Variants in ZNG1B observed in about 807,000 individuals in gnomAD.
ZNG1B encodes zinc-regulated GTPase metalloprotein activator 1B.
At chr2:113,467,460 ATAAGT>A in the ZNG1B span, among the ~76,000 whole-genome samples, 1 of 101,664 alleles carries the variant, frequency 9.8e-6, no homozygotes, top group Non-Finnish European at 1.9e-5. Flanking sequence ...CTGGTCAATA[ATAAGT>A]TAAATTAATT....
At chr2:113,473,535 T>C in the ZNG1B span, among the ~76,000 whole-genome samples, 1 of 151,592 alleles carries the variant, frequency 6.6e-6, no homozygotes, top group Non-Finnish European at 1.5e-5. Context: ...TGAATAGGAG[T>C]GGTGAGAGAG....
At chr2:113,447,815 T>G in the ZNG1B span, 5 of 427,368 alleles carry the variant, frequency 1.2e-5, no homozygotes, top group Non-Finnish European at 9.2e-6. Flanking sequence ...AGTTTTCTTA[T>G]GAGATTGCAG....
the ZNG1B span, chr2:113,466,835 T>C: frequency 6.4e-6 from 6 of 943,876 alleles, no homozygotes; most frequent in East Asian, 1.2e-4. Context: ...GAGGCCAAGG[T>C]GGGCGGATCA....
the ZNG1B span, chr2:113,444,877 G>T: frequency 6.4e-7 from 1 of 1,569,854 alleles, no homozygotes. Flanking sequence ...TTTGTCTTGG[G>T]TTGTTGAATA....
chr2:113,438,618 C>T, the ZNG1B span, among the ~76,000 whole-genome samples: 1 of 151,516 alleles, frequency 6.6e-6, no homozygotes, highest in Non-Finnish European at 1.5e-5. Flanking sequence ...AAACTAAGAA[C>T]GTTTAGAGTG....
At chr2:113,467,952 T>C in the ZNG1B span, among the ~76,000 whole-genome samples, 1 of 149,212 alleles carries the variant, frequency 6.7e-6, no homozygotes, top group African/African-American at 2.5e-5. Context: ...GTTTGGATTT[T>C]CTTCTGTAGG....
At chr2:113,481,894 T>A in the ZNG1B span, 2 of 337,296 alleles carry the variant, frequency 5.9e-6, no homozygotes, top group Admixed American at 4.5e-5. Context: ...TTTACTGACA[T>A]ATTTAACCAT....
the ZNG1B span, among the ~76,000 whole-genome samples, chr2:113,486,903 T>C: frequency 6.6e-6 from 1 of 151,762 alleles, no homozygotes; most frequent in Non-Finnish European, 1.5e-5. Flanking sequence ...CTGACAGTTA[T>C]GTTTCATTTG....
chr2:113,476,009 T>C, the ZNG1B span, among the ~76,000 whole-genome samples: 2 of 152,162 alleles, frequency 1.3e-5, no homozygotes, highest in Non-Finnish European at 2.9e-5. Flanking sequence ...TGGCATTCTC[T>C]GTATTTCCTG....
the ZNG1B span, chr2:113,443,689 T>A: frequency 1.3e-6 from 2 of 1,569,656 alleles, no homozygotes; most frequent in Non-Finnish European, 8.7e-7. Context: ...AAGATCTCCA[T>A]TATTGAGTTA....
the ZNG1B span, among the ~76,000 whole-genome samples, chr2:113,476,507 C>T: frequency 2.0e-5 from 3 of 149,684 alleles, no homozygotes; most frequent in East Asian, 5.9e-4. Context: ...GTCATTCTCC[C>T]TCCAGCTTTG....
At chr2:113,480,360 C>T in the ZNG1B span, among the ~76,000 whole-genome samples, 3 of 151,398 alleles carry the variant, frequency 2.0e-5, no homozygotes, top group Non-Finnish European at 2.9e-5. Flanking sequence ...TGCTCAGGCT[C>T]GTCTTGAACT....
chr2:113,458,187 C>G, the ZNG1B span, among the ~76,000 whole-genome samples: 2 of 151,806 alleles, frequency 1.3e-5, no homozygotes, highest in African/African-American at 2.4e-5. Context: ...AAATGAAAGT[C>G]ATCTGACTTA....
chr2:113,478,922 G>A, the ZNG1B span, among the ~76,000 whole-genome samples: 1 of 150,896 alleles, frequency 6.6e-6, no homozygotes, highest in Non-Finnish European at 1.5e-5. Context: ...AAACTTGTCA[G>A]TGATACAGTT....
the ZNG1B span, among the ~76,000 whole-genome samples, chr2:113,450,487 C>T: frequency 5.7e-4 from 86 of 149,746 alleles, no homozygotes; most frequent in Middle Eastern, 3.4e-3. Flanking sequence ...GCACTACAAA[C>T]GCATTTTCAT....
the ZNG1B span, among the ~76,000 whole-genome samples, chr2:113,476,206 T>G: frequency 6.6e-6 from 1 of 152,142 alleles, no homozygotes; most frequent in African/African-American, 2.4e-5. Context: ...TTCTTTTTTC[T>G]CTAAACTTCC....
chr2:113,485,901 A>G, the ZNG1B span, among the ~76,000 whole-genome samples: 1 of 152,110 alleles, frequency 6.6e-6, no homozygotes, highest in Non-Finnish European at 1.5e-5. Context: ...ATTTTATTTT[A>G]GAGACAATTC....
the ZNG1B span, chr2:113,495,321 C>T: frequency 2.1e-3 from 3,081 of 1,492,080 alleles, 380 homozygotes; most frequent in African/African-American, 0.047. Flanking sequence ...ATGTGCCACT[C>T]AAACAGATTA....
chr2:113,450,041 TC>T, the ZNG1B span, among the ~76,000 whole-genome samples: 1 of 151,752 alleles, frequency 6.6e-6, no homozygotes, highest in Non-Finnish European at 1.5e-5. Flanking sequence ...GTCTGATTTT[TC>T]TCCCTACCTC....
Sources: allele counts gnomAD v4.1 joint callset (sites outside exome capture counted in the v4.1 genomes callset), GRCh38; gene constraint gnomAD v4.1.1; transcripts MANE v1.5; gene names NCBI Gene and HGNC (gene_info 2026-07-23, HGNC 2026-07-21).